The following IL1RL2 variants were observed in gnomAD, a reference collection of about 807,000 sequenced individuals.
IL1RL2 encodes interleukin 1 receptor like 2.
In IL1RL2, 68 loss-of-function variants were observed where a neutral mutation model predicts 66.8. That is an observed-to-expected ratio of 1.02 (90% CI 0.84 to 1.25). The LOEUF is 1.25. Among genes scored for constraint, IL1RL2 ranks in the 50% most tolerant of loss-of-function variants. The pLI is 0.00. For missense variants in IL1RL2, 729 were observed against 709.3 expected, an observed-to-expected ratio of 1.03 and a Z score of -0.32; for synonymous variants, 305 against 264.6, an observed-to-expected ratio of 1.15 and a Z score of -1.48.
At position 102,187,988 on chromosome 2, in the gene IL1RL2, T is replaced by C. The variant is rs967998143; in HGVS notation, c.58+63T>C. ...GAGTCCACAGGCTCCTGGCCTGTCATTGGGAGCCCCCGGGGATCGCGTCAG... is the reference window on the plus strand; with the variant it reads ...GAGTCCACAGGCTCCTGGCCTGTCACTGGGAGCCCCCGGGGATCGCGTCAG... On this transcript the variant is annotated intron_variant, in intron 2 of 11. Coordinates refer to ENST00000264257, the MANE Select transcript of IL1RL2 (RefSeq NM_003854.4). 10 of 1,500,478 alleles carry C rather than the reference T, an allele frequency of 6.7e-6. No homozygotes were observed. The East Asian group carries it at 6.8e-5, about 10-fold the overall frequency. The allele number at this position is 1,500,478 out of a possible 1,614,324, so 92.9% of individuals were successfully genotyped here.
At chr2:102,238,123 C>T (rs1016710499) in intron 11 of IL1RL2, among the ~76,000 whole-genome samples, 1 of 152,028 alleles carries the variant, frequency 6.6e-6, no homozygotes, top group Non-Finnish European at 1.5e-5. Context: ...GAATTAGAGA[C>T]CCCCCTGGGA....
chr2:102,201,446 C>A (rs958042723), intron 4 of IL1RL2, 110 bp from the exon 5 acceptor site: 94 of 920,678 alleles, frequency 1.0e-4, no homozygotes, highest in Non-Finnish European at 1.6e-4. Context: ...ATTTACCTAG[C>A]TAGCTAGCTA....
intron 3 of IL1RL2, among the ~76,000 whole-genome samples, chr2:102,190,075 G>T (rs1165701426): frequency 6.6e-6 from 1 of 152,224 alleles, no homozygotes; most frequent in Non-Finnish European, 1.5e-5. Flanking sequence ...CATGGAGTAT[G>T]TTCCAGACCT....
chr2:102,231,271 ACT>A (rs1437263283), intron 9 of IL1RL2, among the ~76,000 whole-genome samples: 3 of 151,062 alleles, frequency 2.0e-5, no homozygotes, highest in African/African-American at 7.3e-5. Flanking sequence ...TTTCCCCTCA[ACT>A]CTCCCACCCT....
chr2:102,234,810 C>A, intron 10 of IL1RL2, 87 bp from the exon 11 acceptor site: 1 of 1,281,026 alleles, frequency 7.8e-7, no homozygotes, highest in Non-Finnish European at 1.1e-6. Flanking sequence ...CAATTTTCTC[C>A]TGGCCTGTTT....
intron 11 of IL1RL2, chr2:102,235,792 C>T (rs565800484): frequency 2.0e-6 from 2 of 985,446 alleles, no homozygotes; most frequent in Admixed American, 1.2e-4. Flanking sequence ...CTGCGTCTCT[C>T]TCACTCTGTC....
chr2:102,205,855 C>G (rs905042221), intron 5 of IL1RL2, among the ~76,000 whole-genome samples: 1 of 152,134 alleles, frequency 6.6e-6, no homozygotes, highest in African/African-American at 2.4e-5. Flanking sequence ...CTCTGTAAAG[C>G]CAATAACTTT....
chr2:102,199,791 A>T (rs917955156), intron 4 of IL1RL2, among the ~76,000 whole-genome samples: 2 of 152,188 alleles, frequency 1.3e-5, no homozygotes, highest in African/African-American at 4.8e-5. Context: ...AGGCCCAGAG[A>T]CTGTGCCTAG....
chr2:102,234,975 T>C lies in IL1RL2; in HGVS notation c.1376T>C (p.Phe459Ser). ...IVIVVPESLGFGLLKNLSEEQ... is the reference protein window; with the variant it reads ...IVIVVPESLGSGLLKNLSEEQ... ...ATTGTGGTCCCCGAATCGCTGGGCT[T>C]TGGCCTGTTGAAGAACCTGTCAGAA... The change falls in exon 11 of 12, where the codon TTT becomes TCT. Residue 459 changes from phenylalanine (F) to serine (S), a missense_variant. Physicochemically the swap from Phe to Ser is radical, Grantham distance 155. Transcript: ENST00000264257. 1.9e-6 allele frequency: 3 copies of C among 1,614,192 alleles called. No individual in the cohort carries two copies. Among genetic ancestry groups the C allele is most frequent in the Non-Finnish European group, 2.5e-6 (3 of 1,180,040 alleles).
chr2:102,189,010 T>C (rs1318900758), intron 2 of IL1RL2, 66 bp from the exon 3 acceptor site: 1 of 1,214,984 alleles, frequency 8.2e-7, no homozygotes. Context: ...TTAAAAAAAC[T>C]AACAGTAAAT....
intron 5 of IL1RL2, among the ~76,000 whole-genome samples, chr2:102,204,834 T>A (rs904539037): frequency 2.0e-5 from 3 of 152,086 alleles, no homozygotes; most frequent in African/African-American, 7.2e-5. Context: ...ATTGGAGAGT[T>A]TAGTCCATTT....
Position 102,196,998 on chromosome 2 carries a change from T to C in IL1RL2, c.490-4558T>C, listed in dbSNP as rs35204972. ...GGTGGCATGCTGATCATTTGGACTA[T>C]CCTAGAAATCAAGTTAAGAAGTGCG... On this transcript the variant is annotated intron_variant, in intron 4 of 11. Transcript: ENST00000264257. 2.6e-3 allele frequency among the ~76,000 whole-genome samples: 389 copies of C among 152,220 alleles called. 3 individuals are homozygous for C. Among genetic ancestry groups the C allele is most frequent in the African/African-American group, 8.5e-3 (351 of 41,522 alleles).
intron 5 of IL1RL2, among the ~76,000 whole-genome samples, chr2:102,204,784 G>A (rs528181034): frequency 1.1e-4 from 16 of 151,934 alleles, no homozygotes; most frequent in African/African-American, 3.9e-4. Flanking sequence ...CAATCAATGG[G>A]TCTTGTTTTT....
At chr2:102,204,303 T>C (rs751802920) in intron 5 of IL1RL2, among the ~76,000 whole-genome samples, 4 of 152,170 alleles carry the variant, frequency 2.6e-5, no homozygotes, top group African/African-American at 9.6e-5. Context: ...ACCTAACAGA[T>C]GGTCTGTCCT....
chr2:102,225,930 C>T lies in IL1RL2; in HGVS notation c.1024C>T (p.Leu342Phe). The T allele has an allele frequency of 6.2e-7, 1 of 1,603,556 alleles. No homozygotes were observed. The highest frequency in any genetic ancestry group is 8.5e-7 in the Non-Finnish European group (1 of 1,174,638). ...TTTTCGAGCTTACTTGATAGGAGGG[C>T]TTATCGCCTTGGTGGCTGTGGCTGT... ...PDFRAYLIGG[L>F]IALVAVAVSV... Residue 342 changes from leucine (L) to phenylalanine (F), a missense_variant, in exon 9 of 12, where the codon CTT (leucine) becomes TTT (phenylalanine). By Grantham distance (22) the Leu-to-Phe change is conservative. Transcript: ENST00000264257.
At chr2:102,199,549 T>G (rs1193700095) in intron 4 of IL1RL2, among the ~76,000 whole-genome samples, 1 of 152,224 alleles carries the variant, frequency 6.6e-6, no homozygotes, top group Non-Finnish European at 1.5e-5. Context: ...TAAATCTTGT[T>G]AGTGAGACAT....
At chr2:102,209,344 A>G (rs923212518) in intron 5 of IL1RL2, among the ~76,000 whole-genome samples, 1 of 152,186 alleles carries the variant, frequency 6.6e-6, no homozygotes, top group Admixed American at 6.5e-5. Flanking sequence ...GCAGGAAAAG[A>G]ATAAGAAGGG....
intron 6 of IL1RL2, among the ~76,000 whole-genome samples, chr2:102,214,273 C>T (rs1297250834): frequency 6.6e-6 from 1 of 152,232 alleles, no homozygotes; most frequent in East Asian, 1.9e-4. Context: ...ACATGATCTA[C>T]TGGTTTCTAC....
chr2:102,198,622 T>G (rs1687983058), intron 4 of IL1RL2, among the ~76,000 whole-genome samples: 1 of 152,344 alleles, frequency 6.6e-6, no homozygotes, highest in South Asian at 2.1e-4. Flanking sequence ...CATTTCCTTC[T>G]AAGACTTATT....
Sources: allele counts gnomAD v4.1 joint callset (sites outside exome capture counted in the v4.1 genomes callset), GRCh38; gene constraint gnomAD v4.1.1; transcripts MANE v1.5; gene names NCBI Gene and HGNC (gene_info 2026-07-23, HGNC 2026-07-21).